Variants in LHX1 observed in about 807,000 individuals in gnomAD.
The protein encoded by LHX1 is LIM homeobox 1, also known as LIM/homeobox protein Lhx1.
In LHX1, 9 loss-of-function variants were observed where a neutral mutation model predicts 34.1. That is an observed-to-expected ratio of 0.26 (90% confidence interval 0.16 to 0.46). The LOEUF is 0.46. Among genes scored for constraint, LHX1 ranks in the 20% least tolerant of loss-of-function variants. LHX1 has a pLI of 1.00. For synonymous variants in LHX1, 254 were observed against 241.5 expected (o/e 1.05, Z -0.48); for missense variants, 446 against 559.1 (o/e 0.80, Z 2.04).
In LHX1 at chr17:36,937,563, C is replaced by G. The variant is rs1405219561; in HGVS notation, c.-635C>G. On this transcript the variant is annotated 5_prime_UTR_variant, in exon 1 of 5. Coordinates refer to ENST00000614239, the MANE Select transcript of LHX1 (RefSeq NM_005568.5). The stretch of plus-strand genomic sequence containing the variant: ...CCAGGCCCAGCGCGGGCGCTCGGCG[C>G]GTCCAGACCCGCGGCGCGATGCCGG... The G allele has an allele frequency of 3.2e-6, 1 of 308,474 alleles. No homozygotes were observed. The highest frequency in any genetic ancestry group is 6.3e-6 in the Non-Finnish European group (1 of 157,700). The allele number at this position is 308,474 out of a possible 1,614,324, so 19.1% of individuals were successfully genotyped here. A position where few individuals can be genotyped will look rare whatever the true frequency, so the allele number is the denominator to read the frequency against.
At chr17:36,942,127 C>CTGGCTAGGCAGCACA in intron 3 of LHX1, 73 bp from the exon 4 acceptor site, 1 of 1,489,956 alleles carries the variant, frequency 6.7e-7, no homozygotes. Context: ...TGAAGGGGTG[C>CTGGCTAGGCAGCACA]TGGCTAGGCC....
Position 36,938,130 on chromosome 17 carries a change from G to T in LHX1, c.-68G>T. 1 of 1,508,792 alleles carries T rather than the reference G, an allele frequency of 6.6e-7. No individual in the cohort carries two copies. The highest frequency in any genetic ancestry group is 9.2e-7 in the Non-Finnish European group (1 of 1,087,174). 93.5% of individuals were successfully genotyped at this position (1,508,792 alleles called of 1,614,324 possible). A position where few individuals can be genotyped will look rare whatever the true frequency, so the allele number is the denominator to read the frequency against. On this transcript the variant is annotated 5_prime_UTR_variant, in exon 1 of 5. It adds an upstream start codon to the 5' untranslated region. Transcript: ENST00000614239. ...GGGGAGCTCGTGCCGATTGTCTTCA[G>T]GAGTCATCCCCTGGGCTCTACTTTG...
chr17:36,943,239 C>T lies in LHX1; in HGVS notation c.*108C>T. Reference sequence around the variant, plus strand: ...AAAGCAAGTCCCCACCCCCTTCCTCCAGCCTCGAGAACCATTCTCCTTCTG... The same window carrying T: ...AAAGCAAGTCCCCACCCCCTTCCTCTAGCCTCGAGAACCATTCTCCTTCTG... On this transcript the variant is annotated 3_prime_UTR_variant, in exon 5 of 5. Coordinates refer to ENST00000614239, the MANE Select transcript of LHX1 (RefSeq NM_005568.5). 7.7e-7 allele frequency: 1 copy of T among 1,301,520 alleles called. No homozygotes were observed. The highest frequency in any genetic ancestry group is 1.0e-6 in the Non-Finnish European group (1 of 959,690). The allele number at this position is 1,301,520 out of a possible 1,614,324, so 80.6% of individuals were successfully genotyped here. A position where few individuals can be genotyped will look rare whatever the true frequency, so the allele number is the denominator to read the frequency against.
At chr17:36,940,259 GC>G in intron 1 of LHX1, 30 bp from the exon 2 acceptor site, 1 of 288,508 alleles carries the variant, frequency 3.5e-6, no homozygotes, top group South Asian at 3.5e-5. Context: ...ACCCATCCCC[GC>G]CCCCGCCCCC....
intron 1 of LHX1, chr17:36,938,662 C>T: frequency 1.9e-6 from 1 of 534,578 alleles, no homozygotes; most frequent in Non-Finnish European, 3.4e-6. Context: ...GACAGGGCAG[C>T]CTCGGGCGTT....
upstream of LHX1, chr17:36,937,413 T>C (rs955069787): frequency 3.1e-6 from 1 of 327,774 alleles, no homozygotes; most frequent in Non-Finnish European, 6.0e-6. Flanking sequence ...CCCTCTCTGT[T>C]TTCGATTGAC....
chr17:36,939,965 A>C, intron 1 of LHX1: 1 of 522,992 alleles, frequency 1.9e-6, no homozygotes, highest in Non-Finnish European at 3.4e-6. Context: ...TCTTTAGACG[A>C]TGCATCTTTC....
chr17:36,940,101 C>G, intron 1 of LHX1, 189 bp from the exon 2 acceptor site: 1 of 616,356 alleles, frequency 1.6e-6, no homozygotes, highest in South Asian at 1.9e-5. Flanking sequence ...GCCTCCTCAC[C>G]TGCTTAACCG....
chr17:36,942,272 G>A lies in LHX1; in HGVS notation c.748G>A (p.Ala250Thr). 11 of 1,598,482 alleles carry A rather than the reference G, an allele frequency of 6.9e-6. No individual in the cohort carries two copies. The highest frequency in any genetic ancestry group is 9.4e-6 in the Non-Finnish European group (11 of 1,174,326). The change falls in exon 4 of 5, where the codon GCC becomes ACC. Residue 250 changes from alanine to threonine, a missense_variant. This residue lies in a region of LHX1 where 235 missense variants were observed against 224.4 expected (regional missense o/e 1.05). Coordinates refer to ENST00000614239, the MANE Select transcript of LHX1 (RefSeq NM_005568.5). ...QLSALGARRH[A>T]FFRSPRRMRP... ...GAGCGCCCTGGGCGCCCGGCGCCAC[G>A]CCTTCTTCCGCAGTCCGCGCCGGAT...
At position 36,940,288 on chromosome 17, in the gene LHX1, A is replaced by T; in HGVS notation, c.171-2A>T. The T allele has an allele frequency of 6.5e-6, 1 of 154,508 alleles. No individual in the cohort carries two copies. The highest frequency in any genetic ancestry group is 9.5e-6 in the Non-Finnish European group (1 of 105,136). The allele number at this position is 154,508 out of a possible 1,614,324, so 9.6% of individuals were successfully genotyped here. Reference sequence around the variant, plus strand: ...CCGCCCCCCACCCCCACCCCCCCGCAGGTGTTTCGGTACCAAATGCGCAGG... The same window carrying T: ...CCGCCCCCCACCCCCACCCCCCCGCTGGTGTTTCGGTACCAAATGCGCAGG... On this transcript the variant is annotated splice_acceptor_variant, in intron 1 of 4. Transcript: ENST00000614239. LOFTEE classifies it high-confidence loss of function.
intron 4 of LHX1, 59 bp from the exon 5 acceptor site, chr17:36,942,693 C>A: frequency 7.0e-7 from 1 of 1,431,506 alleles, no homozygotes; most frequent in Non-Finnish European, 9.2e-7. Context: ...CCCTCCCTTT[C>A]GGTCCCGCCG....
rs1405219561 is a variant in LHX1, at chr17:36,937,563, C to A, written c.-635C>A. 3.2e-6 allele frequency: 1 copy of A among 308,596 alleles called. No homozygotes were observed. The highest frequency in any genetic ancestry group is 1.1e-4 in the East Asian group (1 of 9,180). The allele number at this position is 308,596 out of a possible 1,614,324, so 19.1% of individuals were successfully genotyped here. On this transcript the variant is annotated 5_prime_UTR_variant, in exon 1 of 5. Coordinates refer to ENST00000614239, the MANE Select transcript of LHX1 (RefSeq NM_005568.5). ...CCAGGCCCAGCGCGGGCGCTCGGCG[C>A]GTCCAGACCCGCGGCGCGATGCCGG...
Position 36,940,296 on chromosome 17 carries a change from C to T in LHX1, c.177C>T (p.Phe59=). 2.9e-6 allele frequency: 2 copies of T among 691,896 alleles called. No individual in the cohort carries two copies. The highest frequency in any genetic ancestry group is 4.5e-6 in the Non-Finnish European group (2 of 447,488). The allele number at this position is 691,896 out of a possible 1,614,324, so 42.9% of individuals were successfully genotyped here. Residue 59 remains phenylalanine (F), a synonymous_variant, in exon 2 of 5, where the codon TTC becomes TTT. Transcript: ENST00000614239. ...LYCKNDFFRC[F]GTKCAGCAQG... is the part of the protein sequence containing the mutation. ...CACCCCCACCCCCCCGCAGGTGTTTCGGTACCAAATGCGCAGGCTGCGCTC... is the reference window on the plus strand; with the variant it reads ...CACCCCCACCCCCCCGCAGGTGTTTTGGTACCAAATGCGCAGGCTGCGCTC...
At chr17:36,942,714 G>T (rs774104700) in intron 4 of LHX1, 38 bp from the exon 5 acceptor site, 10 of 1,450,080 alleles carry the variant, frequency 6.9e-6, no homozygotes, top group Non-Finnish European at 6.4e-6. Context: ...GCCCCCGGCC[G>T]GGCCCTGACG....
rs577571088 is a variant in LHX1 at position 36,938,160 on chromosome 17, T to C, written c.-38T>C. On this transcript the variant is annotated 5_prime_UTR_variant, in exon 1 of 5. Transcript: ENST00000614239. ...CATCCCCTGGGCTCTACTTTGCCCC[T>C]CTCTCTCTCTGGGCCTCATCAGACC... 163 of 1,450,650 alleles carry C rather than the reference T, an allele frequency of 1.1e-4. No individual in the cohort carries two copies. The African/African-American group carries it at 1.4e-3, about 13-fold the overall frequency. 89.9% of individuals were successfully genotyped at this position (1,450,650 alleles called of 1,614,324 possible). A position where few individuals can be genotyped will look rare whatever the true frequency, so the allele number is the denominator to read the frequency against.
rs903624118 is a variant in LHX1, at chr17:36,941,022, C to A, written c.675+135C>A. The A allele has an allele frequency of 6.6e-6, 9 of 1,356,784 alleles. No individual in the cohort carries two copies. The South Asian group carries it at 1.1e-4, about 17-fold the overall frequency. The allele number at this position is 1,356,784 out of a possible 1,614,324, so 84.0% of individuals were successfully genotyped here. A position where few individuals can be genotyped will look rare whatever the true frequency, so the allele number is the denominator to read the frequency against. ...CAGAGGTGGGGTGCCTAGACACATC[C>A]CGAGCCTGCGGGACCTATGAAATGC... On this transcript the variant is annotated intron_variant, in intron 3 of 4. Transcript: ENST00000614239.
rs530848622 is a variant in LHX1, at chr17:36,939,083, G to A, written c.170+716G>A. On this transcript the variant is annotated intron_variant, in intron 1 of 4. Coordinates refer to ENST00000614239, the MANE Select transcript of LHX1 (RefSeq NM_005568.5). ...CGGGCTCCGCTCAGTAGTCCTCCTA[G>A]GAAACTGCCAGCCACAGCCAGCAAC... is the stretch of plus-strand genomic sequence containing the variant. Among the ~76,000 whole-genome samples, 3 of 152,330 alleles carry A rather than the reference G, an allele frequency of 2.0e-5. No homozygotes were observed. The South Asian group carries it at 6.2e-4, about 32-fold the overall frequency.
rs2070741000 is a variant in LHX1 at position 36,938,140 on chromosome 17, C to T, written c.-58C>T. ...TGCCGATTGTCTTCAGGAGTCATCC[C>T]CTGGGCTCTACTTTGCCCCTCTCTC... On this transcript the variant is annotated 5_prime_UTR_variant, in exon 1 of 5. Coordinates refer to ENST00000614239, the MANE Select transcript of LHX1 (RefSeq NM_005568.5). 5.8e-6 allele frequency: 9 copies of T among 1,562,834 alleles called. No homozygotes were observed. The highest frequency in any genetic ancestry group is 7.9e-6 in the Non-Finnish European group (9 of 1,135,666).
chr17:36,939,932 C>T (rs2070753154), intron 1 of LHX1: 1 of 448,582 alleles, frequency 2.2e-6, no homozygotes, highest in Non-Finnish European at 4.0e-6. Context: ...CCCCCGCCCA[C>T]ACAGGTCACT....
Sources: allele counts gnomAD v4.1 joint callset (sites outside exome capture counted in the v4.1 genomes callset), GRCh38; gene constraint gnomAD v4.1.1; regional missense constraint gnomAD v4.1.1; transcripts MANE v1.5; gene names NCBI Gene and HGNC (gene_info 2026-07-23, HGNC 2026-07-21).